The following CLRN2 variants were observed in gnomAD, a reference collection of about 807,000 sequenced individuals.
CLRN2 encodes clarin 2.
CLRN2 carries 17 observed loss-of-function variants against 20.1 expected under a neutral mutation model. The ratio of observed to expected loss-of-function variants is 0.85; its 90% CI spans 0.58 to 1.27. CLRN2 has a LOEUF of 1.27. CLRN2 is among the 50% of genes most tolerant of loss of function. The probability of loss-of-function intolerance (pLI) is 0.00; values close to 1 mark genes in which losing one functional copy is unlikely to be tolerated. For missense variants in CLRN2, 288 were observed against 299.5 expected, an observed-to-expected ratio of 0.96 and a Z score of 0.28; for synonymous variants, 140 against 126.9, an observed-to-expected ratio of 1.10 and a Z score of -0.70.
chr4:17,520,127 A>G (rs567007516), intron 1 of CLRN2, among the ~76,000 whole-genome samples: 44 of 152,306 alleles, frequency 2.9e-4, no homozygotes, highest in Non-Finnish European at 5.6e-4. Flanking sequence ...CCCTTTGCCA[A>G]TAAGTATTTT....
intron 2 of CLRN2, among the ~76,000 whole-genome samples, chr4:17,526,178 G>A (rs953939598): frequency 7.9e-5 from 12 of 152,150 alleles, no homozygotes; most frequent in Admixed American, 6.5e-4. Context: ...TAGCCTTCAC[G>A]GTCTTCATAG....
At chr4:17,519,416 C>T (rs924297723) in intron 1 of CLRN2, among the ~76,000 whole-genome samples, 2 of 152,166 alleles carry the variant, frequency 1.3e-5, no homozygotes, top group Admixed American at 1.3e-4. Context: ...TGCTCTAGCC[C>T]TGTAATAGAG....
At chr4:17,517,337 G>A (rs1228390602) in intron 1 of CLRN2, among the ~76,000 whole-genome samples, 1 of 152,178 alleles carries the variant, frequency 6.6e-6, no homozygotes, top group Non-Finnish European at 1.5e-5. Context: ...GGAGAGACAC[G>A]AGGGAGAGGG....
Position 17,515,408 on chromosome 4 carries a change from A to G in CLRN2, c.142A>G (p.Asn48Asp), listed in dbSNP as rs369621250. The G allele has an allele frequency of 1.4e-5, 22 of 1,613,892 alleles. No individual in the cohort carries two copies. In the African/African-American group the frequency reaches 2.7e-4, roughly 20 times the overall value. Residue 48 changes from asparagine to aspartate, a missense_variant, in exon 1 of 3, where the codon AAC (asparagine) becomes GAC (aspartate). Coordinates refer to ENST00000511148, the MANE Select transcript of CLRN2 (RefSeq NM_001079827.2). ...ILCQTGVDLV[N>D]ATDRELVKFI... Reference sequence around the variant, plus strand: ...TTGTCAGACTGGAGTGGATCTGGTCAACGCCACAGACAGAGAGCTGGTCAA... The same window carrying G: ...TTGTCAGACTGGAGTGGATCTGGTCGACGCCACAGACAGAGAGCTGGTCAA...
chr4:17,516,773 AACT>A (rs3066736), intron 1 of CLRN2, among the ~76,000 whole-genome samples: 33,353 of 152,072 alleles, frequency 0.22, 3,839 homozygotes, highest in Middle Eastern at 0.31. Context: ...TAACCATGAC[AACT>A]ACATGGACTA....
rs929818039 is a variant in CLRN2 at position 17,526,960 on chromosome 4, G to A, written c.577G>A (p.Val193Met). Reference sequence around the variant, plus strand: ...GTATGAAGAGTCGTTTTGGATCTGCGTGGCCAGCGCTTCGGCCCATGCTGC... The same window carrying A: ...GTATGAAGAGTCGTTTTGGATCTGCATGGCCAGCGCTTCGGCCCATGCTGC... ...EQYEESFWICVASASAHAANL... is the reference protein window; with the variant it reads ...EQYEESFWICMASASAHAANL... Residue 193 changes from valine (V) to methionine (M), a missense_variant, in exon 3 of 3, where the codon GTG becomes ATG. Val to Met is a conservative substitution (Grantham distance 21, BLOSUM62 1). Transcript: ENST00000511148. 4.3e-6 allele frequency: 7 copies of A among 1,613,922 alleles called. No individual in the cohort carries two copies. The Admixed American group carries it at 6.7e-5, about 15-fold the overall frequency.
chr4:17,520,931 T>C (rs957365059), intron 1 of CLRN2, among the ~76,000 whole-genome samples: 4 of 152,050 alleles, frequency 2.6e-5, no homozygotes, highest in Admixed American at 6.6e-5. Context: ...GGCATGAGAA[T>C]TGCTTGAATC....
chr4:17,516,408 G>A (rs1203680228), intron 1 of CLRN2, among the ~76,000 whole-genome samples: 7 of 152,190 alleles, frequency 4.6e-5, no homozygotes, highest in South Asian at 2.1e-4. Flanking sequence ...GCACAAAACC[G>A]TAATTAATCA....
At chr4:17,524,775 G>A (rs1008898720) in intron 2 of CLRN2, among the ~76,000 whole-genome samples, 1 of 150,220 alleles carries the variant, frequency 6.7e-6, no homozygotes, top group African/African-American at 2.5e-5. Flanking sequence ...AAAAAAATTA[G>A]CTGTCCATGG....
At position 17,524,239 on chromosome 4, in the gene CLRN2, C is replaced by CGT. The variant is rs1179999375; in HGVS notation, c.433+1197_433+1198insTG. Among the ~76,000 whole-genome samples, 337 of 101,316 alleles carry CGT rather than the reference C, an allele frequency of 3.3e-3. 1 individual carries two copies. Among genetic ancestry groups the CGT allele is most frequent in the African/African-American group, 0.01 (326 of 31,908 alleles). The allele number at this position is 101,316 out of a possible 152,430, so 66.5% of individuals were successfully genotyped here. A position where few individuals can be genotyped will look rare whatever the true frequency, so the allele number is the denominator to read the frequency against. ...GTGTGTGTGTGTGTGTGTGTGTGCG[C>CGT]GCGCATGTTGATTTGGGAGTATATT... On this transcript the variant is annotated intron_variant, in intron 2 of 2. Coordinates refer to ENST00000511148, the MANE Select transcript of CLRN2 (RefSeq NM_001079827.2).
Position 17,515,368 on chromosome 4 carries a change from G to A in CLRN2, c.102G>A (p.Leu34=), listed in dbSNP as rs545988774. 132 of 1,613,862 alleles carry A rather than the reference G, an allele frequency of 8.2e-5. No homozygotes were observed. The highest frequency in any genetic ancestry group is 1.7e-4 in the Admixed American group (10 of 60,002). Residue 34 remains leucine (L), a synonymous_variant, in exon 1 of 3, where the codon CTG becomes CTA. Coordinates refer to ENST00000511148, the MANE Select transcript of CLRN2 (RefSeq NM_001079827.2). ...IIVALVVPHW[L]SGKILCQTGV... ...TTGCCCTGGTAGTGCCCCACTGGCT[G>A]AGTGGGAAAATCCTTTGTCAGACTG...
At chr4:17,516,610 T>G (rs1458175667) in intron 1 of CLRN2, among the ~76,000 whole-genome samples, 1 of 152,248 alleles carries the variant, frequency 6.6e-6, no homozygotes, top group Admixed American at 6.5e-5. Context: ...ACATTTGTTA[T>G]GTATATTCAA....
At chr4:17,522,295 A>G (rs1200660123) in intron 1 of CLRN2, among the ~76,000 whole-genome samples, 1 of 152,226 alleles carries the variant, frequency 6.6e-6, no homozygotes, top group Non-Finnish European at 1.5e-5. Context: ...CTGTCAAAAT[A>G]TAACAGCAAT....
chr4:17,516,955 C>T (rs1577199895), intron 1 of CLRN2, among the ~76,000 whole-genome samples: 1 of 152,172 alleles, frequency 6.6e-6, no homozygotes, highest in Non-Finnish European at 1.5e-5. Flanking sequence ...GGAAAAATCA[C>T]AGAGTGATTG....
rs149450329 is a variant in CLRN2, at chr4:17,526,674, A to C, written c.434-143A>C. 1,096 of 912,728 alleles carry C rather than the reference A, an allele frequency of 1.2e-3. 4 individuals are homozygous for C. The African/African-American group carries it at 0.015, about 13-fold the overall frequency. The allele number at this position is 912,728 out of a possible 1,614,324, so 56.5% of individuals were successfully genotyped here. A position where few individuals can be genotyped will look rare whatever the true frequency, so the allele number is the denominator to read the frequency against. On this transcript the variant is annotated intron_variant, in intron 2 of 2. Coordinates refer to ENST00000511148, the MANE Select transcript of CLRN2 (RefSeq NM_001079827.2). ...CTTCATACTGTGTGGGTTATCTCCT[A>C]CTTTTAAAAGCAAATTAAAACTTAT... is the stretch of plus-strand genomic sequence containing the variant.
chr4:17,525,893 G>A (rs1420593951), intron 2 of CLRN2, among the ~76,000 whole-genome samples: 5 of 152,038 alleles, frequency 3.3e-5, no homozygotes, highest in East Asian at 1.9e-4. Context: ...ATTTTTCTTC[G>A]ATGAAGATAT....
At chr4:17,526,531 G>A (rs1711980626) in intron 2 of CLRN2, among the ~76,000 whole-genome samples, 1 of 152,222 alleles carries the variant, frequency 6.6e-6, no homozygotes, top group South Asian at 2.1e-4. Context: ...CTGCACTCCA[G>A]CCTGGGCAAT....
rs753910860 is a variant in CLRN2 at position 17,515,236 on chromosome 4, G to C, written c.-31G>C. On this transcript the variant is annotated 5_prime_UTR_variant, in exon 1 of 3. Coordinates refer to ENST00000511148, the MANE Select transcript of CLRN2 (RefSeq NM_001079827.2). Reference sequence around the variant, plus strand: ...TGTCAATGACCCTCGCTGCTGCTCGGAGACCTTGGGGATGACCTGCACCCA... The same window carrying C: ...TGTCAATGACCCTCGCTGCTGCTCGCAGACCTTGGGGATGACCTGCACCCA... 2 of 1,607,764 alleles carry C rather than the reference G, an allele frequency of 1.2e-6. No homozygotes were observed. Among genetic ancestry groups the C allele is most frequent in the Admixed American group, 3.3e-5 (2 of 59,806 alleles).
At chr4:17,526,254 G>T (rs1048407350) in intron 2 of CLRN2, among the ~76,000 whole-genome samples, 3 of 152,144 alleles carry the variant, frequency 2.0e-5, no homozygotes, top group African/African-American at 7.2e-5. Context: ...ATGGTACTGG[G>T]TAAGGGGAAA....
Sources: allele counts gnomAD v4.1 joint callset (sites outside exome capture counted in the v4.1 genomes callset), GRCh38; gene constraint gnomAD v4.1.1; transcripts MANE v1.5; gene names NCBI Gene and HGNC (gene_info 2026-07-23, HGNC 2026-07-21).